The following CYSLTR2 variants were observed in gnomAD, a reference collection of about 807,000 sequenced individuals.
CYSLTR2 encodes cysteinyl leukotriene receptor 2, also known as G-protein coupled receptor GPCR21.
For missense variants in CYSLTR2, 398 were observed against 411.9 expected, an observed-to-expected ratio of 0.97 and a Z score of 0.29; for synonymous variants, 179 against 160.8, an observed-to-expected ratio of 1.11 and a Z score of -0.86.
At chr13:48,673,954 C>G (rs1442606574) in intron 1 of CYSLTR2, among the ~76,000 whole-genome samples, 1 of 152,192 alleles carries the variant, frequency 6.6e-6, no homozygotes, top group Non-Finnish European at 1.5e-5. Flanking sequence ...TTGGCCCCCA[C>G]TCTTTTCTGG....
intron 1 of CYSLTR2, among the ~76,000 whole-genome samples, chr13:48,658,571 C>T (rs564241845): frequency 1.3e-5 from 2 of 152,140 alleles, no homozygotes; most frequent in Non-Finnish European, 2.9e-5. Context: ...AACTGCTGCC[C>T]CTGGAGTAAA....
At chr13:48,667,182 A>G (rs780280744) in intron 1 of CYSLTR2, among the ~76,000 whole-genome samples, 3 of 152,130 alleles carry the variant, frequency 2.0e-5, no homozygotes, top group Non-Finnish European at 4.4e-5. Context: ...CATTAGTGGC[A>G]TTTGCAAGTC....
intron 4 of CYSLTR2, among the ~76,000 whole-genome samples, chr13:48,701,065 A>G (rs1954330661): frequency 6.6e-6 from 1 of 152,240 alleles, no homozygotes; most frequent in Non-Finnish European, 1.5e-5. Flanking sequence ...TGCCCAAGGT[A>G]ATTTATAGAT....
At chr13:48,664,650 TG>T (rs1368972784) in intron 1 of CYSLTR2, among the ~76,000 whole-genome samples, 1 of 152,094 alleles carries the variant, frequency 6.6e-6, no homozygotes, top group Non-Finnish European at 1.5e-5. Context: ...AATGATCCTT[TG>T]TATTTCTGTG....
chr13:48,707,928 C>A lies in CYSLTR2; in HGVS notation c.*70C>A. ...TCATTCACTCATAGTCTCCAAATGA[C>A]TTTGTATTTACATCACTCCCAACAA... On this transcript the variant is annotated 3_prime_UTR_variant, in exon 5 of 5. Transcript: ENST00000682523. 1.6e-6 allele frequency: 2 copies of A among 1,283,318 alleles called. No individual in the cohort carries two copies. The highest frequency in any genetic ancestry group is 2.1e-6 in the Non-Finnish European group (2 of 954,852). The allele number at this position is 1,283,318 out of a possible 1,614,324, so 79.5% of individuals were successfully genotyped here.
chr13:48,656,693 C>T (rs535624347), intron 1 of CYSLTR2, among the ~76,000 whole-genome samples: 1 of 152,306 alleles, frequency 6.6e-6, no homozygotes, highest in East Asian at 1.9e-4. Context: ...TTAGCATTTC[C>T]TGTGTACTCC....
chr13:48,657,596 T>C (rs1426276897), intron 1 of CYSLTR2, among the ~76,000 whole-genome samples: 1 of 151,966 alleles, frequency 6.6e-6, no homozygotes, highest in Non-Finnish European at 1.5e-5. Flanking sequence ...TTAATTAAGC[T>C]GGGAGAAATT....
At chr13:48,670,866 C>T (rs563411559) in intron 1 of CYSLTR2, among the ~76,000 whole-genome samples, 1 of 152,158 alleles carries the variant, frequency 6.6e-6, no homozygotes, top group South Asian at 2.1e-4. Flanking sequence ...AATTACTTTG[C>T]GCAGTATGGC....
At chr13:48,663,282 C>A (rs1285668235) in intron 1 of CYSLTR2, among the ~76,000 whole-genome samples, 3 of 152,102 alleles carry the variant, frequency 2.0e-5, no homozygotes, top group Admixed American at 1.3e-4. Flanking sequence ...TGTGATACTT[C>A]CAGCTTTGTT....
chr13:48,665,696 T>C (rs12870429), intron 1 of CYSLTR2, among the ~76,000 whole-genome samples: 1 of 152,172 alleles, frequency 6.6e-6, no homozygotes, highest in Admixed American at 6.5e-5. Context: ...TCTATGTATA[T>C]CTTTACAGGT....
At chr13:48,689,528 T>G (rs1474480107) in intron 1 of CYSLTR2, among the ~76,000 whole-genome samples, 1 of 152,214 alleles carries the variant, frequency 6.6e-6, no homozygotes, top group African/African-American at 2.4e-5. Context: ...CCCCATTGCT[T>G]GTTTTTGTCA....
At chr13:48,685,089 A>G (rs528669517) in intron 1 of CYSLTR2, among the ~76,000 whole-genome samples, 8 of 152,298 alleles carry the variant, frequency 5.3e-5, no homozygotes, top group Middle Eastern at 3.4e-3. Context: ...TATAAATAAA[A>G]GAGGTTTAAT....
At chr13:48,664,912 T>C (rs950926416) in intron 1 of CYSLTR2, among the ~76,000 whole-genome samples, 4 of 152,202 alleles carry the variant, frequency 2.6e-5, no homozygotes, top group African/African-American at 9.6e-5. Flanking sequence ...GGTTGCTTAT[T>C]TGAAATCTTT....
intron 4 of CYSLTR2, among the ~76,000 whole-genome samples, chr13:48,699,750 A>C (rs1954291038): frequency 6.6e-6 from 1 of 152,192 alleles, no homozygotes; most frequent in Admixed American, 6.5e-5. Context: ...TGAAAAGATC[A>C]ACAAAATTGA....
chr13:48,664,939 G>A (rs1016108489), intron 1 of CYSLTR2, among the ~76,000 whole-genome samples: 9 of 151,780 alleles, frequency 5.9e-5, no homozygotes, highest in African/African-American at 2.2e-4. Context: ...TCTAATGTAG[G>A]CATTTATTGC....
In CYSLTR2 at chr13:48,657,429, G is replaced by A. The variant is rs941485738; in HGVS notation, c.-266+3412G>A. ...GCCTCTTTAGTGTAAAGTCCTTAACGGAGAGGTTTCAAAAAAGTACAGGAA... is the reference window on the plus strand; with the variant it reads ...GCCTCTTTAGTGTAAAGTCCTTAACAGAGAGGTTTCAAAAAAGTACAGGAA... On this transcript the variant is annotated intron_variant, in intron 1 of 4. Transcript: ENST00000682523. Among the ~76,000 whole-genome samples, 87 of 151,704 alleles carry A rather than the reference G, an allele frequency of 5.7e-4. 1 individual carries two copies. Among genetic ancestry groups the A allele is most frequent in the Admixed American group, 5.5e-3 (84 of 15,220 alleles).
chr13:48,684,761 G>A (rs1163440306), intron 1 of CYSLTR2, among the ~76,000 whole-genome samples: 2 of 152,186 alleles, frequency 1.3e-5, no homozygotes, highest in Non-Finnish European at 2.9e-5. Flanking sequence ...CTTTGCAGAT[G>A]TAATGTTAAG....
chr13:48,709,972 A>G lies in CYSLTR2; in HGVS notation c.*2114A>G, dbSNP rs1302200716. The G allele has an allele frequency of 1.3e-5, 2 of 152,222 alleles. No individual in the cohort carries two copies. Among genetic ancestry groups the G allele is most frequent in the East Asian group, 3.8e-4 (2 of 5,206 alleles). The allele number at this position is 152,222 out of a possible 1,614,324, so 9.4% of individuals were successfully genotyped here. ...AGGGATTTAGATTTCTCTTGCAGAG[A>G]TTGAGATAAACTAGTCGTAAATACA... is the stretch of plus-strand genomic sequence containing the variant. On this transcript the variant is annotated 3_prime_UTR_variant, in exon 5 of 5. Coordinates refer to ENST00000682523, the MANE Select transcript of CYSLTR2 (RefSeq NM_001308476.3).
chr13:48,681,625 C>T (rs1953757846), intron 1 of CYSLTR2, among the ~76,000 whole-genome samples: 1 of 152,168 alleles, frequency 6.6e-6, no homozygotes, highest in Admixed American at 6.5e-5. Flanking sequence ...TTTTGGTGAT[C>T]TCTTGTCTGT....
Sources: allele counts gnomAD v4.1 joint callset (sites outside exome capture counted in the v4.1 genomes callset), GRCh38; gene constraint gnomAD v4.1.1; transcripts MANE v1.5; gene names NCBI Gene and HGNC (gene_info 2026-07-23, HGNC 2026-07-21).